Variants in CACNA1E observed in about 807,000 individuals in gnomAD.
CACNA1E encodes the protein calcium voltage-gated channel subunit alpha1 E.
CACNA1E carries 40 observed loss-of-function variants against 259.2 expected under a neutral mutation model. The ratio of observed to expected loss-of-function variants is 0.15; its 90% CI spans 0.12 to 0.20. CACNA1E has a LOEUF of 0.20. CACNA1E is among the 10% of genes least tolerant of loss of function. The probability of loss-of-function intolerance (pLI) is 1.00; values close to 1 mark genes in which losing one functional copy is unlikely to be tolerated. For missense variants in CACNA1E, 1,874 were observed against 3,040.1 expected (o/e 0.62, Z 9.02); for synonymous variants, 1,104 against 1,138.5 (o/e 0.97, Z 0.61).
At chr1:181,437,267 C>G (rs1660157405) in intron 2 of CACNA1E, among the ~76,000 whole-genome samples, 1 of 152,104 alleles carries the variant, frequency 6.6e-6, no homozygotes, top group South Asian at 2.1e-4. Context: ...CACATTTGCT[C>G]TTGATCTCAT....
At chr1:181,566,520 A>G (rs576655593) in intron 3 of CACNA1E, among the ~76,000 whole-genome samples, 50 of 152,308 alleles carry the variant, frequency 3.3e-4, no homozygotes, top group African/African-American at 1.2e-3. Context: ...ATTGGTAGGA[A>G]CTTGACCTTT....
At chr1:181,688,303 G>GT (rs1421352835) in intron 7 of CACNA1E, among the ~76,000 whole-genome samples, 6 of 152,302 alleles carry the variant, frequency 3.9e-5, no homozygotes, top group African/African-American at 1.2e-4. Flanking sequence ...TACAGTGTAT[G>GT]TTTTTATAGA....
intron 3 of CACNA1E, among the ~76,000 whole-genome samples, chr1:181,512,908 T>G (rs1279732869): frequency 6.6e-6 from 1 of 152,224 alleles, no homozygotes; most frequent in African/African-American, 2.4e-5. Context: ...TATTGGGTAA[T>G]GTTGCAAATG....
chr1:181,574,704 A>C (rs1399295540), intron 3 of CACNA1E, among the ~76,000 whole-genome samples: 1 of 152,056 alleles, frequency 6.6e-6, no homozygotes, highest in Non-Finnish European at 1.5e-5. Context: ...GAATAAGGCT[A>C]TTTTCCTTTA....
At chr1:181,417,312 T>C (rs1658345170) in intron 2 of CACNA1E, among the ~76,000 whole-genome samples, 1 of 152,158 alleles carries the variant, frequency 6.6e-6, no homozygotes, top group South Asian at 2.1e-4. Flanking sequence ...CCTCCTACCC[T>C]CTCAAGCTCT....
At chr1:181,582,513 C>T (rs1443897272) in intron 6 of CACNA1E, among the ~76,000 whole-genome samples, 1 of 152,088 alleles carries the variant, frequency 6.6e-6, no homozygotes, top group African/African-American at 2.4e-5. Flanking sequence ...GTGATAAATG[C>T]ATTGAAAGCC....
intron 12 of CACNA1E, among the ~76,000 whole-genome samples, chr1:181,718,611 AACAC>A (rs60522141): frequency 0.14 from 16,752 of 123,992 alleles, 874 homozygotes; most frequent in East Asian, 0.23. Flanking sequence ...CCCTCATTCA[AACAC>A]ACACACACAC....
At chr1:181,512,263 G>T (rs1166139702) in intron 3 of CACNA1E, among the ~76,000 whole-genome samples, 1 of 152,194 alleles carries the variant, frequency 6.6e-6, no homozygotes, top group Non-Finnish European at 1.5e-5. Context: ...AGGCCTTCCT[G>T]GGCTTTTGTG....
intron 1 of CACNA1E, among the ~76,000 whole-genome samples, chr1:181,373,628 C>T (rs1221216635): frequency 1.3e-5 from 2 of 150,976 alleles, no homozygotes; most frequent in Non-Finnish European, 2.9e-5. Flanking sequence ...AGCTCCGCCT[C>T]CCGGGTTCAC....
intron 3 of CACNA1E, among the ~76,000 whole-genome samples, chr1:181,540,714 C>T: frequency 6.6e-6 from 1 of 152,178 alleles, no homozygotes; most frequent in Non-Finnish European, 1.5e-5. Flanking sequence ...CGCAAAGTCT[C>T]CCCTAGTTTA....
At chr1:181,707,966 T>C (rs1558289339) in intron 7 of CACNA1E, among the ~76,000 whole-genome samples, 1 of 152,152 alleles carries the variant, frequency 6.6e-6, no homozygotes. Context: ...AGAGGTAGAC[T>C]GGAGGCCAGA....
At chr1:181,404,414 C>A (rs1456502881) in intron 1 of CACNA1E, among the ~76,000 whole-genome samples, 2 of 152,142 alleles carry the variant, frequency 1.3e-5, no homozygotes, top group East Asian at 3.9e-4. Flanking sequence ...AGCTAAAAAT[C>A]CTTCAGGCCA....
chr1:181,353,561 G>A (rs888941509), intron 1 of CACNA1E, among the ~76,000 whole-genome samples: 1 of 152,240 alleles, frequency 6.6e-6, no homozygotes, highest in Non-Finnish European at 1.5e-5. Context: ...GGAACCATTA[G>A]TAGTCTGGCA....
chr1:181,365,055 A>G (rs908740124), intron 1 of CACNA1E, among the ~76,000 whole-genome samples: 9 of 152,236 alleles, frequency 5.9e-5, no homozygotes, highest in Non-Finnish European at 1.3e-4. Context: ...TCTGGGTAGC[A>G]GCACTGAGCA....
intron 7 of CACNA1E, among the ~76,000 whole-genome samples, chr1:181,662,972 T>G (rs1299148326): frequency 6.6e-6 from 1 of 152,222 alleles, no homozygotes; most frequent in Non-Finnish European, 1.5e-5. Flanking sequence ...TTTGTTAAAT[T>G]CCTGCTCATC....
intron 2 of CACNA1E, among the ~76,000 whole-genome samples, chr1:181,414,383 C>T (rs1042399397): frequency 6.6e-6 from 1 of 152,064 alleles, no homozygotes; most frequent in Non-Finnish European, 1.5e-5. Context: ...TGGTGGTGGT[C>T]GTGGTGGGAT....
chr1:181,738,752 CTAGG>C lies in CACNA1E; in HGVS notation c.3612+330_3612+333del, dbSNP rs1656291879. ...CCTGGGTGTGTGCCAAGGCAAAGGG[CTAGG>C]TAGAGATGAGTCTTCCTGGGCTTCA... On this transcript the variant is annotated intron_variant, in intron 24 of 47. Coordinates refer to ENST00000367573, the MANE Select transcript of CACNA1E (RefSeq NM_001205293.3). 3.9e-5 allele frequency among the ~76,000 whole-genome samples: 6 copies of C among 152,342 alleles called. No homozygotes were observed. The South Asian group carries it at 1.2e-3, about 32-fold the overall frequency.
intron 2 of CACNA1E, among the ~76,000 whole-genome samples, chr1:181,429,511 G>A (rs762924546): frequency 7.2e-5 from 11 of 152,208 alleles, no homozygotes; most frequent in African/African-American, 2.2e-4. Flanking sequence ...AGAAGTTTCA[G>A]GCAGCAGAGT....
At chr1:181,499,482 T>A (rs1437799359) in intron 1 of CACNA1E, among the ~76,000 whole-genome samples, 2 of 152,216 alleles carry the variant, frequency 1.3e-5, no homozygotes, top group Non-Finnish European at 2.9e-5. Flanking sequence ...CTCATTCCTT[T>A]CCTGGTCTCA....
Sources: allele counts gnomAD v4.1 joint callset (sites outside exome capture counted in the v4.1 genomes callset), GRCh38; gene constraint gnomAD v4.1.1; transcripts MANE v1.5; gene names NCBI Gene and HGNC (gene_info 2026-07-23, HGNC 2026-07-21).